The following RBM20 variants were observed in gnomAD, a reference collection of about 807,000 sequenced individuals.
The protein encoded by RBM20 is RNA binding motif protein 20.
In RBM20, 51 loss-of-function variants were observed where a neutral mutation model predicts 110.1. The ratio of observed to expected loss-of-function variants is 0.46; its 90% CI spans 0.37 to 0.59. The LOEUF (loss-of-function observed/expected upper bound fraction) is 0.59, where lower values mean the gene tolerates loss of function less well. Among genes scored for constraint, RBM20 ranks in the 20% least tolerant of loss-of-function variants. The pLI, the probability that RBM20 is intolerant of heterozygous loss-of-function variation, is 0.00. For synonymous variants in RBM20, 589 were observed against 618.2 expected, an observed-to-expected ratio of 0.95 and a Z score of 0.70; for missense variants, 1,512 against 1,574.9, an observed-to-expected ratio of 0.96 and a Z score of 0.68.
At chr10:110,772,779 G>A (rs1844210533) in intron 1 of RBM20, among the ~76,000 whole-genome samples, 1 of 152,198 alleles carries the variant, frequency 6.6e-6, no homozygotes. Flanking sequence ...AGAAATAGCT[G>A]AATTTGTGAG....
rs959279835 is a variant in RBM20, at chr10:110,645,891, T to C, written c.191+1246T>C. On this transcript the variant is annotated intron_variant, in intron 1 of 13. Coordinates refer to ENST00000369519, the MANE Select transcript of RBM20 (RefSeq NM_001134363.3). ...CAAACAGTTTCCAACTATTCCAAAATGAAAATATTTCATATTATTCTTTTC... is the reference window on the plus strand; with the variant it reads ...CAAACAGTTTCCAACTATTCCAAAACGAAAATATTTCATATTATTCTTTTC... Among the ~76,000 whole-genome samples the C allele has an allele frequency of 1.1e-4, 9 of 78,842 alleles. No individual in the cohort carries two copies. The Admixed American group carries it at 1.2e-3, about 11-fold the overall frequency. 51.7% of individuals were successfully genotyped at this position (78,842 alleles called of 152,430 possible). A position where few individuals can be genotyped will look rare whatever the true frequency, so the allele number is the denominator to read the frequency against.
Position 110,799,774 on chromosome 10 carries a change from C to A in RBM20, c.1669-13C>A. On this transcript the variant is annotated splice_polypyrimidine_tract_variant and intron_variant, in intron 6 of 13. Coordinates refer to ENST00000369519, the MANE Select transcript of RBM20 (RefSeq NM_001134363.3). Reference sequence around the variant, plus strand: ...AAGTCAAGTCCAGTGAGTGTCCTTCCTTTCTTTCTTAGGCCTTTTTAGAGA... The same window carrying A: ...AAGTCAAGTCCAGTGAGTGTCCTTCATTTCTTTCTTAGGCCTTTTTAGAGA... The A allele has an allele frequency of 6.5e-7, 1 of 1,548,110 alleles. No homozygotes were observed. Among genetic ancestry groups the A allele is most frequent in the Middle Eastern group, 1.7e-4 (1 of 5,982 alleles).
intron 1 of RBM20, among the ~76,000 whole-genome samples, chr10:110,751,741 A>G (rs1843856053): frequency 6.6e-6 from 1 of 152,194 alleles, no homozygotes; most frequent in African/African-American, 2.4e-5. Context: ...TTTTTTTGTT[A>G]AATAACATCA....
chr10:110,779,870 A>G (rs1844314434), intron 1 of RBM20, among the ~76,000 whole-genome samples: 1 of 152,232 alleles, frequency 6.6e-6, no homozygotes, highest in African/African-American at 2.4e-5. Flanking sequence ...AAATGAGGAC[A>G]AGGATGAAAA....
At chr10:110,693,670 G>T (rs575070172) in intron 1 of RBM20, among the ~76,000 whole-genome samples, 1 of 152,206 alleles carries the variant, frequency 6.6e-6, no homozygotes, top group Non-Finnish European at 1.5e-5. Flanking sequence ...TGAGGCTTTT[G>T]CTTGTATATA....
In RBM20 at chr10:110,725,890, C is replaced by G. The variant is rs557896261; in HGVS notation, c.192-54911C>G. 2.9e-3 allele frequency among the ~76,000 whole-genome samples: 437 copies of G among 152,358 alleles called. 6 individuals carry two copies. The highest frequency in any genetic ancestry group is 9.7e-3 in the African/African-American group (403 of 41,588). ...GCAGGATTGACAGCCACAGCTTGGC[C>G]TCTGTGCTGGGGGTGGAATCTGCTG... On this transcript the variant is annotated intron_variant, in intron 1 of 13. Transcript: ENST00000369519.
At chr10:110,798,185 G>T (rs1297345367) in intron 6 of RBM20, among the ~76,000 whole-genome samples, 1 of 152,176 alleles carries the variant, frequency 6.6e-6, no homozygotes, top group African/African-American at 2.4e-5. Flanking sequence ...TAACCTGTAG[G>T]AGTTGACTGA....
intron 1 of RBM20, among the ~76,000 whole-genome samples, chr10:110,780,167 A>G (rs1350014358): frequency 6.6e-6 from 1 of 152,224 alleles, no homozygotes; most frequent in Non-Finnish European, 1.5e-5. Context: ...TAAATGTTAC[A>G]TAATAAAGTA....
At chr10:110,755,910 T>C (rs982236277) in intron 1 of RBM20, among the ~76,000 whole-genome samples, 1 of 152,238 alleles carries the variant, frequency 6.6e-6, no homozygotes, top group Non-Finnish European at 1.5e-5. Context: ...TGAGCTGCCC[T>C]GGAGTGGCCA....
intron 1 of RBM20, among the ~76,000 whole-genome samples, chr10:110,687,993 TTTTGTG>T (rs1222144918): frequency 9.7e-6 from 1 of 103,416 alleles, no homozygotes; most frequent in African/African-American, 3.7e-5. Flanking sequence ...TCCTAAATGG[TTTTGTG>T]TGTGTGTGTG....
chr10:110,740,418 G>C (rs916387626), intron 1 of RBM20, among the ~76,000 whole-genome samples: 5 of 152,158 alleles, frequency 3.3e-5, no homozygotes, highest in Non-Finnish European at 5.9e-5. Flanking sequence ...AGCTTGGTCT[G>C]AGTGTTTCAT....
At chr10:110,835,613 G>T (rs186180805) in intron 13 of RBM20, 1 of 268,064 alleles carries the variant, frequency 3.7e-6, no homozygotes, top group East Asian at 7.9e-5. Flanking sequence ...GGGATTACAG[G>T]TGTGAGACAC....
At chr10:110,657,208 G>T (rs4918550) in intron 1 of RBM20, among the ~76,000 whole-genome samples, 28,668 of 151,864 alleles carry the variant, frequency 0.19, 3,369 homozygotes, top group Non-Finnish European at 0.27. Flanking sequence ...GTAGAGATGG[G>T]ATTTCACCAT....
At chr10:110,811,746 T>G (rs1590695247) in intron 8 of RBM20, among the ~76,000 whole-genome samples, 1 of 152,126 alleles carries the variant, frequency 6.6e-6, no homozygotes, top group African/African-American at 2.4e-5. Flanking sequence ...TAAATTGAGC[T>G]GAGAAATAAA....
At chr10:110,710,222 T>C (rs894508835) in intron 1 of RBM20, among the ~76,000 whole-genome samples, 5 of 152,166 alleles carry the variant, frequency 3.3e-5, no homozygotes, top group Admixed American at 6.5e-5. Flanking sequence ...CAGTTTCCTT[T>C]GTATTTGAGG....
intron 9 of RBM20, among the ~76,000 whole-genome samples, chr10:110,815,109 G>A (rs1436967138): frequency 6.6e-6 from 1 of 152,152 alleles, no homozygotes; most frequent in Non-Finnish European, 1.5e-5. Context: ...CTTCCACAGG[G>A]GGCAGGGAAT....
intron 7 of RBM20, among the ~76,000 whole-genome samples, chr10:110,804,191 A>C (rs1844667391): frequency 6.6e-6 from 1 of 152,130 alleles, no homozygotes; most frequent in Non-Finnish European, 1.5e-5. Context: ...TCCTGAATTG[A>C]TCTCTGGCCA....
At chr10:110,728,278 T>C (rs1423919550) in intron 1 of RBM20, among the ~76,000 whole-genome samples, 2 of 117,422 alleles carry the variant, frequency 1.7e-5, no homozygotes, top group Admixed American at 1.6e-4. Context: ...TCTCTGGAGA[T>C]TGAGTTGATG....
chr10:110,817,484 C>G (rs1980689), intron 9 of RBM20, among the ~76,000 whole-genome samples: 72,153 of 152,042 alleles, frequency 0.47, 17,972 homozygotes, highest in East Asian at 0.72. Flanking sequence ...CGCCCCACCC[C>G]CTTCTACCAA....
Sources: gnomAD v4.1 joint callset for allele counts (sites outside exome capture counted in the v4.1 genomes callset) on GRCh38, gnomAD v4.1.1 for gene constraint, MANE v1.5 for transcripts, NCBI Gene and HGNC (gene_info 2026-07-23, HGNC 2026-07-21) for gene names.